ALDH5A1: variants seen among roughly 807,000 people sequenced by gnomAD.
The protein encoded by ALDH5A1 is succinate-semialdehyde dehydrogenase, mitochondrial.
A neutral mutation model predicts 54.7 loss-of-function variants in ALDH5A1; 33 were observed. That is an observed-to-expected ratio of 0.60 (90% CI 0.46 to 0.81). ALDH5A1 has a LOEUF of 0.81. ALDH5A1 is among the 30% of genes least tolerant of loss of function. The pLI, the probability that ALDH5A1 is intolerant of heterozygous loss-of-function variation, is 0.00. For synonymous variants in ALDH5A1, 294 were observed against 292.7 expected (o/e 1.00, Z -0.05); for missense variants, 657 against 711.0 (o/e 0.92, Z 0.86).
intron 6 of ALDH5A1, among the ~76,000 whole-genome samples, chr6:24,521,978 T>C: frequency 6.6e-6 from 1 of 151,024 alleles, no homozygotes; most frequent in African/African-American, 2.4e-5. Flanking sequence ...GAGATTCTCC[T>C]GCCTCAGCCT....
In ALDH5A1 at chr6:24,534,067, A is replaced by C; in HGVS notation, c.*355A>C. 6.9e-6 allele frequency: 2 copies of C among 290,566 alleles called. No homozygotes were observed. The highest frequency in any genetic ancestry group is 1.3e-5 in the Non-Finnish European group (2 of 150,442). 18.0% of individuals were successfully genotyped at this position (290,566 alleles called of 1,614,324 possible). A position where few individuals can be genotyped will look rare whatever the true frequency, so the allele number is the denominator to read the frequency against. ...TTGATCACTGCCTGGGCAGTGGCAC[A>C]ACCATCCCCCATGTCGCTACAGAAC... On this transcript the variant is annotated 3_prime_UTR_variant, in exon 10 of 10. Transcript: ENST00000357578.
At chr6:24,508,690 T>G (rs1759407840) in intron 4 of ALDH5A1, among the ~76,000 whole-genome samples, 1 of 152,194 alleles carries the variant, frequency 6.6e-6, no homozygotes, top group South Asian at 2.1e-4. Flanking sequence ...CTAAGGAATC[T>G]CCACACTGTT....
intron 7 of ALDH5A1, among the ~76,000 whole-genome samples, chr6:24,526,327 G>T (rs1759797138): frequency 6.6e-6 from 1 of 152,212 alleles, no homozygotes; most frequent in Middle Eastern, 3.4e-3. Context: ...AGTCCCTGAA[G>T]GAAGCAGATA....
chr6:24,520,594 A>T (rs1332570402), intron 6 of ALDH5A1, 50 bp downstream of exon 6: 39 of 1,604,478 alleles, frequency 2.4e-5, no homozygotes, highest in Middle Eastern at 1.9e-4. Flanking sequence ...TGCATGTGTG[A>T]GTGTGTGTAT....
At chr6:24,521,124 G>T (rs1450732837) in intron 6 of ALDH5A1, among the ~76,000 whole-genome samples, 2 of 152,190 alleles carry the variant, frequency 1.3e-5, no homozygotes, top group Non-Finnish European at 2.9e-5. Context: ...CCGAGATGGA[G>T]GGAGCCTCAG....
intron 5 of ALDH5A1, among the ~76,000 whole-genome samples, chr6:24,517,911 AG>A (rs199907872): frequency 4.6e-5 from 7 of 152,154 alleles, no homozygotes; most frequent in African/African-American, 7.2e-5. Context: ...GCCACTTTCT[AG>A]GGGGGCCACC....
rs1165874733 is a variant in ALDH5A1 at position 24,518,695 on chromosome 6, C to T, written c.871-1706C>T. 6.6e-6 allele frequency among the ~76,000 whole-genome samples: 1 copy of T among 152,168 alleles called. No homozygotes were observed. The highest frequency in any genetic ancestry group is 1.5e-5 in the Non-Finnish European group (1 of 68,036). ...GAAGATTGTTACTACCATTTGATTG[C>T]TGGAATATTAACATACAGACACATA... On this transcript the variant is annotated intron_variant, in intron 5 of 9. Transcript: ENST00000357578. This position sits in a 1 kb window ranked among gnomAD's most constrained non-coding sequence, Gnocchi z 4.2.
chr6:24,508,733 C>T (rs1759408656), intron 4 of ALDH5A1, among the ~76,000 whole-genome samples: 1 of 152,180 alleles, frequency 6.6e-6, no homozygotes, highest in Admixed American at 6.5e-5. Context: ...TACATTCCCA[C>T]CAGCAATGTA....
intron 8 of ALDH5A1, among the ~76,000 whole-genome samples, 165 bp downstream of exon 8, chr6:24,528,331 A>C (rs1759862137): frequency 6.6e-6 from 1 of 152,134 alleles, no homozygotes; most frequent in Non-Finnish European, 1.5e-5. Context: ...AAAAAATCAT[A>C]ACTTATTTGG....
At chr6:24,497,751 A>G (rs1177596743) in intron 1 of ALDH5A1, among the ~76,000 whole-genome samples, 1 of 152,208 alleles carries the variant, frequency 6.6e-6, no homozygotes, top group Non-Finnish European at 1.5e-5. Context: ...GAGAAGGGGA[A>G]GAGTGGGTGG....
intron 1 of ALDH5A1, among the ~76,000 whole-genome samples, chr6:24,502,092 T>C (rs375698758): frequency 6.6e-6 from 1 of 152,050 alleles, no homozygotes; most frequent in African/African-American, 2.4e-5. Context: ...AAAGCTGATA[T>C]GTCCAGTCTG....
intron 3 of ALDH5A1, 70 bp from the exon 4 acceptor site, chr6:24,504,799 A>G (rs1759305513): frequency 6.9e-7 from 1 of 1,449,608 alleles, no homozygotes; most frequent in Non-Finnish European, 9.7e-7. Flanking sequence ...CTGACTTCCC[A>G]ACATGCCTTC....
At chr6:24,513,817 C>G (rs1759509704) in intron 4 of ALDH5A1, among the ~76,000 whole-genome samples, 2 of 152,214 alleles carry the variant, frequency 1.3e-5, no homozygotes, top group Admixed American at 1.3e-4. Flanking sequence ...GTTGCTGCCC[C>G]CTGCTTCCTC....
At chr6:24,524,910 C>T (rs1759771941) in intron 7 of ALDH5A1, among the ~76,000 whole-genome samples, 1 of 152,104 alleles carries the variant, frequency 6.6e-6, no homozygotes, top group Non-Finnish European at 1.5e-5. Context: ...TCTAAGTGCC[C>T]CAGTATGATG....
intron 1 of ALDH5A1, among the ~76,000 whole-genome samples, chr6:24,499,886 C>G (rs368442539): frequency 1.3e-5 from 2 of 152,248 alleles, no homozygotes; most frequent in South Asian, 4.2e-4. Flanking sequence ...GTCTGGATCT[C>G]ATGACCTCAT....
At chr6:24,530,973 C>T (rs1204998879) in intron 8 of ALDH5A1, among the ~76,000 whole-genome samples, 2 of 152,220 alleles carry the variant, frequency 1.3e-5, no homozygotes, top group East Asian at 3.9e-4. Flanking sequence ...ATCATTCTCC[C>T]CCAGGATCCA....
intron 4 of ALDH5A1, among the ~76,000 whole-genome samples, chr6:24,508,629 A>G (rs1759406998): frequency 6.8e-6 from 1 of 146,258 alleles, no homozygotes; most frequent in Non-Finnish European, 1.5e-5. Context: ...CTCTGGGTAG[A>G]TACCCAGTAG....
In ALDH5A1 at chr6:24,495,227, C is replaced by T. The variant is rs1160948222; in HGVS notation, c.231C>T (p.Pro77=). ...GGCTCCCGGCCGCCGCCACCTTCCC[C>T]GTGCAAGACCCGGCCAGCGGCGCCG... ...GRWLPAAATF[P]VQDPASGAAL... Residue 77 remains proline, a synonymous_variant, in exon 1 of 10, where the codon CCC becomes CCT. Coordinates refer to ENST00000357578, the MANE Select transcript of ALDH5A1 (RefSeq NM_001080.3). The T allele has an allele frequency of 1.3e-6, 2 of 1,514,130 alleles. No homozygotes were observed. The highest frequency in any genetic ancestry group is 2.0e-5 in the Admixed American group (1 of 49,230). 93.8% of individuals were successfully genotyped at this position (1,514,130 alleles called of 1,614,324 possible).
intron 4 of ALDH5A1, among the ~76,000 whole-genome samples, chr6:24,507,018 T>C (rs1185539395): frequency 1.3e-5 from 2 of 152,250 alleles, no homozygotes; most frequent in Non-Finnish European, 2.9e-5. Context: ...TAATCCCTCT[T>C]GGCTATGAAC....
Sources: allele counts gnomAD v4.1 joint callset (sites outside exome capture counted in the v4.1 genomes callset), GRCh38; gene constraint gnomAD v4.1.1; non-coding constraint Gnocchi (gnomAD v3.1); transcripts MANE v1.5; gene names NCBI Gene and HGNC (gene_info 2026-07-23, HGNC 2026-07-21).